Variants in MX2 observed in about 807,000 individuals in gnomAD.
MX2 encodes the protein interferon-induced GTP-binding protein Mx2.
Under a neutral mutation model 74.0 loss-of-function variants are expected in MX2, and 51 were observed. That is an observed-to-expected ratio of 0.69 (90% CI 0.55 to 0.87). The LOEUF (loss-of-function observed/expected upper bound fraction) is 0.87. MX2 is among the 40% of genes least tolerant of loss of function. MX2 has a pLI of 0.00. For synonymous variants in MX2, 369 were observed against 339.3 expected (o/e 1.09, Z -0.96); for missense variants, 832 against 908.7 (o/e 0.92, Z 1.09).
At chr21:41,398,860 A>C in intron 8 of MX2, 37 bp from the exon 9 acceptor site, 1 of 1,600,434 alleles carries the variant, frequency 6.2e-7, no homozygotes. Flanking sequence ...CCAATCTCTT[A>C]AGCCGCAGTT....
Position 41,377,773 on chromosome 21 carries a change from G to C in MX2, c.250-16G>C. ...ATCAGGGGTCAAGGCAGTGGCATCT[G>C]TTCTGCCTTCTCCAGGGGCCCGAGA... On this transcript the variant is annotated splice_polypyrimidine_tract_variant and intron_variant, in intron 2 of 13. Transcript: ENST00000330714. 6.2e-7 allele frequency: 1 copy of C among 1,601,952 alleles called. No individual in the cohort carries two copies. The highest frequency in any genetic ancestry group is 8.5e-7 in the Non-Finnish European group (1 of 1,170,782).
At chr21:41,379,977 T>C in intron 3 of MX2, 40 bp from the exon 4 acceptor site, 1 of 1,609,688 alleles carries the variant, frequency 6.2e-7, no homozygotes, top group East Asian at 2.2e-5. Flanking sequence ...GCCACTTCTT[T>C]AAAAGGAAAC....
At chr21:41,372,836 A>T (rs2089342553) in intron 1 of MX2, 1 of 152,264 alleles carries the variant, frequency 6.6e-6, no homozygotes, top group Non-Finnish European at 1.5e-5. Context: ...AGCCACTGGG[A>T]AATAGCTCAC....
intron 1 of MX2, among the ~76,000 whole-genome samples, chr21:41,375,469 G>A (rs928933196): frequency 1.3e-5 from 2 of 152,222 alleles, no homozygotes; most frequent in Admixed American, 1.3e-4. Flanking sequence ...GGCAGAGCTG[G>A]TTCCTTCTGG....
At position 41,395,756 on chromosome 21, in the gene MX2, T is replaced by C; in HGVS notation, c.1041T>C (p.Ile347=). Residue 347 remains isoleucine, a synonymous_variant, in exon 7 of 14, where the codon ATT becomes ATC. Transcript: ENST00000330714. ...TGGCAGAGGCAACCAAGAAAGAAATTACATTCTTTCAAACACATCCATATT... is the reference window on the plus strand; with the variant it reads ...TGGCAGAGGCAACCAAGAAAGAAATCACATTCTTTCAAACACATCCATATT... ...LSLAEATKKE[I]TFFQTHPYFR... The C allele has an allele frequency of 6.2e-7, 1 of 1,614,150 alleles. No individual in the cohort carries two copies.
intron 1 of MX2, among the ~76,000 whole-genome samples, chr21:41,376,042 G>A (rs2089397369): frequency 6.6e-6 from 1 of 152,228 alleles, no homozygotes; most frequent in Non-Finnish European, 1.5e-5. Flanking sequence ...TCTGAGTGCA[G>A]GCCACAGCCT....
In MX2 at chr21:41,390,156, G is replaced by A. The variant is rs2089636935; in HGVS notation, c.733-409G>A. 3 of 189,940 alleles carry A rather than the reference G, an allele frequency of 1.6e-5. No individual in the cohort carries two copies. In the South Asian group the frequency reaches 3.2e-4, roughly 21 times the overall value. 11.8% of individuals were successfully genotyped at this position (189,940 alleles called of 1,614,324 possible). A position where few individuals can be genotyped will look rare whatever the true frequency, so the allele number is the denominator to read the frequency against. ...GGGCTCCGTGCTGGACTCTGCATGGGGACACCAGGACAGAGAAGATGTCAC... is the reference window on the plus strand; with the variant it reads ...GGGCTCCGTGCTGGACTCTGCATGGAGACACCAGGACAGAGAAGATGTCAC... On this transcript the variant is annotated intron_variant, in intron 5 of 13. Coordinates refer to ENST00000330714, the MANE Select transcript of MX2 (RefSeq NM_002463.2).
intron 12 of MX2, among the ~76,000 whole-genome samples, chr21:41,406,310 A>G (rs1008464004): frequency 1.3e-5 from 2 of 152,284 alleles, no homozygotes; most frequent in South Asian, 4.1e-4. Flanking sequence ...CCTTGACTGC[A>G]TGGGTGATGT....
rs2089908683 is a variant in MX2 at position 41,407,997 on chromosome 21, A to G, written c.1912A>G (p.Ser638Gly). 6.2e-7 allele frequency: 1 copy of G among 1,614,074 alleles called. No individual in the cohort carries two copies. The highest frequency in any genetic ancestry group is 8.5e-7 in the Non-Finnish European group (1 of 1,180,030). ...TTCTTTCTCCCTCTTCCAGGAAACC[A>G]GCAAACGTCTCGCCAACCAGATCCC... ...IHLNAYFLET[S>G]KRLANQIPFI... The change falls in exon 14 of 14, where the codon AGC becomes GGC. Residue 638 changes from serine (S) to glycine (G), a missense_variant. Transcript: ENST00000330714.
chr21:41,386,952 C>T (rs375317367), intron 5 of MX2, among the ~76,000 whole-genome samples: 6 of 152,106 alleles, frequency 3.9e-5, no homozygotes, highest in East Asian at 3.9e-4. Context: ...AGACAGAAAC[C>T]AAAAACCATG....
rs558515203 is a variant in MX2, at chr21:41,368,199, C to G, written c.-72+6144C>G. Among the ~76,000 whole-genome samples the G allele has an allele frequency of 3.5e-4, 54 of 152,344 alleles. 1 individual carries two copies. The highest frequency in any genetic ancestry group is 8.8e-5 in the Non-Finnish European group (6 of 68,042). On this transcript the variant is annotated intron_variant, in intron 1 of 13. Transcript: ENST00000330714. The surrounding 1 kb of genome is among the most constrained non-coding windows in gnomAD (Gnocchi z 4.6). ...GCCCCCCACTTTCATTCCCTCCTGC[C>G]TCTGTGCATAGCCCAAGTCCCACCT...
At chr21:41,369,638 CG>C (rs917513015) in intron 1 of MX2, among the ~76,000 whole-genome samples, 1 of 152,106 alleles carries the variant, frequency 6.6e-6, no homozygotes, top group Non-Finnish European at 1.5e-5. Flanking sequence ...GGGGTATTCC[CG>C]AGAAGTGAGG....
chr21:41,377,777 T>G lies in MX2; in HGVS notation c.250-12T>G. ...GGGGTCAAGGCAGTGGCATCTGTTC[T>G]GCCTTCTCCAGGGGCCCGAGAACAA... is the stretch of plus-strand genomic sequence containing the variant. On this transcript the variant is annotated splice_polypyrimidine_tract_variant and intron_variant, in intron 2 of 13. Coordinates refer to ENST00000330714, the MANE Select transcript of MX2 (RefSeq NM_002463.2). 1 of 1,603,336 alleles carries G rather than the reference T, an allele frequency of 6.2e-7. No individual in the cohort carries two copies. Among genetic ancestry groups the G allele is most frequent in the Non-Finnish European group, 8.5e-7 (1 of 1,171,700 alleles).
chr21:41,389,067 C>A (rs1038072500), intron 5 of MX2, among the ~76,000 whole-genome samples: 1 of 152,004 alleles, frequency 6.6e-6, no homozygotes, highest in African/African-American at 2.4e-5. Context: ...CAGGACAGCC[C>A]CATGGGTGTA....
At position 41,402,539 on chromosome 21, in the gene MX2, C is replaced by T. The variant is rs1862612696; in HGVS notation, c.1573+411C>T. On this transcript the variant is annotated intron_variant, in intron 11 of 13. Coordinates refer to ENST00000330714, the MANE Select transcript of MX2 (RefSeq NM_002463.2). The surrounding 1 kb of genome is among the most constrained non-coding windows in gnomAD (Gnocchi z 4.5). Reference sequence around the variant, plus strand: ...GCCGCGTAAGGCAGCGGTCCCCAGTCTTTATGGCACCAGAGACTGCTTTCA... The same window carrying T: ...GCCGCGTAAGGCAGCGGTCCCCAGTTTTTATGGCACCAGAGACTGCTTTCA... The T allele has an allele frequency of 5.7e-6, 1 of 176,480 alleles. No homozygotes were observed. The highest frequency in any genetic ancestry group is 2.4e-5 in the African/African-American group (1 of 42,440). 10.9% of individuals were successfully genotyped at this position (176,480 alleles called of 1,614,324 possible). A position where few individuals can be genotyped will look rare whatever the true frequency, so the allele number is the denominator to read the frequency against.
At chr21:41,391,611 A>G (rs967512141) in intron 6 of MX2, among the ~76,000 whole-genome samples, 1 of 151,912 alleles carries the variant, frequency 6.6e-6, no homozygotes, top group African/African-American at 2.4e-5. Context: ...CAAACTCCCA[A>G]TCTCAGGTGA....
intron 12 of MX2, among the ~76,000 whole-genome samples, chr21:41,405,774 G>T (rs572530945): frequency 7.0e-6 from 1 of 143,384 alleles, no homozygotes; most frequent in African/African-American, 2.6e-5. Flanking sequence ...GCGCCATCTC[G>T]GCTCACTGCA....
chr21:41,369,529 C>G (rs1312271097), intron 1 of MX2, among the ~76,000 whole-genome samples: 3 of 152,174 alleles, frequency 2.0e-5, no homozygotes, highest in African/African-American at 7.2e-5. Flanking sequence ...GGTTTTTGAG[C>G]CCGGCAGTGT....
rs770107187 is a variant in MX2 at position 41,380,006 on chromosome 21, C to T, written c.443-11C>T. 1 of 1,613,560 alleles carries T rather than the reference C, an allele frequency of 6.2e-7. No individual in the cohort carries two copies. Among genetic ancestry groups the T allele is most frequent in the South Asian group, 1.1e-5 (1 of 91,024 alleles). On this transcript the variant is annotated splice_polypyrimidine_tract_variant and intron_variant, in intron 3 of 13. Coordinates refer to ENST00000330714, the MANE Select transcript of MX2 (RefSeq NM_002463.2). This position sits in a 1 kb window ranked among gnomAD's most constrained non-coding sequence, Gnocchi z 4.3. ...AGGAAACTGAGGATATTTGGGGAAC[C>T]TCTCGCTCAGGAATCGTAACCAGGT...
Sources: gnomAD v4.1 joint callset for allele counts (sites outside exome capture counted in the v4.1 genomes callset) on GRCh38, gnomAD v4.1.1 for gene constraint, Gnocchi (gnomAD v3.1) non-coding constraint, MANE v1.5 for transcripts, NCBI Gene and HGNC (gene_info 2026-07-23, HGNC 2026-07-21) for gene names.